ASIC2: variants seen among roughly 807,000 people sequenced by gnomAD.
The protein encoded by ASIC2 is acid-sensing ion channel 2.
A neutral mutation model predicts 57.3 loss-of-function variants in ASIC2; 25 were observed. That is an observed-to-expected ratio of 0.44 (90% CI 0.32 to 0.61). The LOEUF is 0.61. Among genes scored for constraint, ASIC2 ranks in the 20% least tolerant of loss-of-function variants. The pLI, the probability that ASIC2 is intolerant of heterozygous loss-of-function variation, is 0.06. For synonymous variants in ASIC2, 319 were observed against 307.5 expected (o/e 1.04, Z -0.39); for missense variants, 641 against 738.1 (o/e 0.87, Z 1.52).
chr17:33,553,571 A>G (rs1567648142), intron 1 of ASIC2, among the ~76,000 whole-genome samples: 1 of 151,904 alleles, frequency 6.6e-6, no homozygotes, highest in Non-Finnish European at 1.5e-5. Flanking sequence ...CCTGGGCTTG[A>G]GCAATCCTCC....
intron 1 of ASIC2, among the ~76,000 whole-genome samples, chr17:34,102,102 A>G (rs960732600): frequency 2.0e-5 from 3 of 152,016 alleles, no homozygotes; most frequent in African/African-American, 7.3e-5. Flanking sequence ...TGAGGTCAGG[A>G]GTTCGAGACT....
At chr17:33,361,761 T>C (rs935388035) in intron 1 of ASIC2, among the ~76,000 whole-genome samples, 1 of 152,188 alleles carries the variant, frequency 6.6e-6, no homozygotes, top group African/African-American at 2.4e-5. Context: ...ATCACCCCAG[T>C]GACTCTGCAC....
At chr17:33,182,888 G>A (rs899336820) in intron 1 of ASIC2, among the ~76,000 whole-genome samples, 1 of 152,190 alleles carries the variant, frequency 6.6e-6, no homozygotes, top group African/African-American at 2.4e-5. Flanking sequence ...TTATCACTGT[G>A]ACAGTTGCCT....
intron 1 of ASIC2, among the ~76,000 whole-genome samples, chr17:33,463,989 T>A (rs1024721829): frequency 1.3e-5 from 2 of 151,590 alleles, no homozygotes; most frequent in Non-Finnish European, 2.9e-5. Context: ...CCCTTATGAG[T>A]GGCATCTGAA....
At position 33,777,641 on chromosome 17, in the gene ASIC2, C is replaced by T. The variant is rs553771748; in HGVS notation, c.555+378337G>A. Among the ~76,000 whole-genome samples, 6 of 152,280 alleles carry T rather than the reference C, an allele frequency of 3.9e-5. No individual in the cohort carries two copies. In the East Asian group the frequency reaches 1.2e-3, roughly 29 times the overall value. On this transcript the variant is annotated intron_variant, in intron 1 of 9. Transcript: ENST00000359872. Reference sequence around the variant, plus strand: ...AAATTGCCATTTGGACACCTGAATTCAGCCTGCTGTGCGGTAACTGAAGGG... The same window carrying T: ...AAATTGCCATTTGGACACCTGAATTTAGCCTGCTGTGCGGTAACTGAAGGG...
At chr17:33,931,215 G>C (rs959862220) in intron 1 of ASIC2, 4 of 152,168 alleles carry the variant, frequency 2.6e-5, no homozygotes, top group African/African-American at 9.7e-5. Flanking sequence ...AGCAATTCCT[G>C]TCCCTTTTAA....
intron 1 of ASIC2, among the ~76,000 whole-genome samples, chr17:33,145,645 T>C (rs1288398577): frequency 2.0e-5 from 3 of 152,260 alleles, no homozygotes; most frequent in Non-Finnish European, 4.4e-5. Flanking sequence ...TGATTTATTT[T>C]AACTTTTTTT....
intron 1 of ASIC2, among the ~76,000 whole-genome samples, chr17:33,452,039 C>T (rs1462369991): frequency 1.3e-5 from 2 of 152,198 alleles, no homozygotes; most frequent in South Asian, 2.1e-4. Flanking sequence ...TAATGCATCA[C>T]CTCCACTGAG....
At chr17:33,020,991 C>A (rs2091833076) in intron 7 of ASIC2, among the ~76,000 whole-genome samples, 1 of 152,100 alleles carries the variant, frequency 6.6e-6, no homozygotes, top group Non-Finnish European at 1.5e-5. Context: ...GAAAATGAAG[C>A]CAAGATTGGG....
chr17:33,203,697 G>A (rs1446514891), intron 1 of ASIC2, among the ~76,000 whole-genome samples: 1 of 152,064 alleles, frequency 6.6e-6, no homozygotes, highest in African/African-American at 2.4e-5. Context: ...TTATTTTTCT[G>A]GGACCTGCCC....
At chr17:33,785,818 C>T (rs1911584929) in intron 1 of ASIC2, among the ~76,000 whole-genome samples, 1 of 152,154 alleles carries the variant, frequency 6.6e-6, no homozygotes, top group Admixed American at 6.5e-5. Flanking sequence ...TCCAACATAG[C>T]ACAGACCTTC....
intron 1 of ASIC2, among the ~76,000 whole-genome samples, chr17:33,646,069 A>G (rs1475989976): frequency 1.3e-5 from 2 of 151,928 alleles, no homozygotes; most frequent in South Asian, 2.1e-4. Flanking sequence ...TAATTTTTAC[A>G]CTCTGTCATT....
chr17:33,725,188 G>A (rs369587634), intron 1 of ASIC2, among the ~76,000 whole-genome samples: 8 of 152,386 alleles, frequency 5.2e-5, no homozygotes, highest in African/African-American at 1.9e-4. Flanking sequence ...GGGGCCTGCA[G>A]GTGGATGACT....
chr17:33,286,498 G>T (rs1339450284), intron 1 of ASIC2, among the ~76,000 whole-genome samples: 1 of 152,124 alleles, frequency 6.6e-6, no homozygotes, highest in East Asian at 1.9e-4. Flanking sequence ...TCACCCCTCA[G>T]CCCAGCTCCC....
intron 1 of ASIC2, among the ~76,000 whole-genome samples, chr17:33,903,978 A>C (rs1283783446): frequency 2.0e-5 from 3 of 152,036 alleles, no homozygotes; most frequent in Admixed American, 6.6e-5. Context: ...AGCCTGACCA[A>C]CATGGAGAAA....
intron 1 of ASIC2, among the ~76,000 whole-genome samples, chr17:33,143,661 C>T (rs1162665930): frequency 1.3e-5 from 2 of 152,158 alleles, no homozygotes; most frequent in Non-Finnish European, 2.9e-5. Flanking sequence ...CTTTTACCAA[C>T]TGCCTAGCAA....
intron 1 of ASIC2, among the ~76,000 whole-genome samples, chr17:33,476,434 T>C (rs577023245): frequency 1.3e-5 from 2 of 151,840 alleles, no homozygotes; most frequent in African/African-American, 4.8e-5. Context: ...TCTTTGCTAT[T>C]ATTAGCAATG....
intron 1 of ASIC2, among the ~76,000 whole-genome samples, chr17:33,957,465 G>T (rs1904772326): frequency 6.6e-6 from 1 of 152,126 alleles, no homozygotes; most frequent in South Asian, 2.1e-4. Flanking sequence ...GTTCCACATG[G>T]CTGGGGAGGC....
At position 33,436,853 on chromosome 17, in the gene ASIC2, CTTTTTT is replaced by C. The variant is rs71144877; in HGVS notation, c.556-324792_556-324787del. Among the ~76,000 whole-genome samples, 431 of 66,472 alleles carry C rather than the reference CTTTTTT, an allele frequency of 6.5e-3. 4 individuals carry two copies. The East Asian group carries it at 0.089, about 14-fold the overall frequency. The allele number at this position is 66,472 out of a possible 152,430, so 43.6% of individuals were successfully genotyped here. On this transcript the variant is annotated intron_variant, in intron 1 of 9. Coordinates refer to the ASIC2 transcript ENST00000359872. ...AATGCCTTAAAACACATTCCAACTTCTTTTTTTTTTTTTTTTTTTTTTTTTTTTTTG... is the reference window on the plus strand; with the variant it reads ...AATGCCTTAAAACACATTCCAACTTCTTTTTTTTTTTTTTTTTTTTTTTTG...
Sources: gnomAD v4.1 joint callset for allele counts (sites outside exome capture counted in the v4.1 genomes callset) on GRCh38, gnomAD v4.1.1 for gene constraint, MANE v1.5 for transcripts, NCBI Gene and HGNC (gene_info 2026-07-23, HGNC 2026-07-21) for gene names.